The following LDAH variants were observed in gnomAD, a reference collection of about 807,000 sequenced individuals.
The protein encoded by LDAH is lipid droplet-associated hydrolase.
LDAH carries 26 observed loss-of-function variants against 29.6 expected under a neutral mutation model. The observed-to-expected ratio is 0.88, with a 90% CI of 0.64 to 1.22. The LOEUF (loss-of-function observed/expected upper bound fraction) is 1.22, where lower values mean the gene tolerates loss of function less well. Ranked by LOEUF, LDAH falls within the 50% of genes most tolerant of loss-of-function variation. LDAH has a pLI of 0.00. For missense variants in LDAH, 344 were observed against 387.3 expected, an observed-to-expected ratio of 0.89 and a Z score of 0.94; for synonymous variants, 117 against 133.0, an observed-to-expected ratio of 0.88 and a Z score of 0.83.
chr2:20,797,260 A>C (rs1671363081), intron 2 of LDAH, among the ~76,000 whole-genome samples: 1 of 152,216 alleles, frequency 6.6e-6, no homozygotes, highest in Non-Finnish European at 1.5e-5. Context: ...GAATGAAAGT[A>C]CCATACTGAG....
chr2:20,712,278 A>G (rs1196167656), intron 5 of LDAH, among the ~76,000 whole-genome samples: 1 of 152,178 alleles, frequency 6.6e-6, no homozygotes, highest in African/African-American at 2.4e-5. Context: ...ACTCCAACAG[A>G]CCTGCGGCTG....
chr2:20,706,863 C>A (rs896524052), intron 5 of LDAH, among the ~76,000 whole-genome samples: 1 of 152,172 alleles, frequency 6.6e-6, no homozygotes, highest in South Asian at 2.1e-4. Context: ...GGCTACAGTG[C>A]AAGAAGGAGA....
At chr2:20,746,962 T>C (rs1027609643) in intron 4 of LDAH, among the ~76,000 whole-genome samples, 1 of 152,182 alleles carries the variant, frequency 6.6e-6, no homozygotes, top group East Asian at 1.9e-4. Context: ...GGAATTTTTA[T>C]ACTGGATACA....
chr2:20,778,846 A>G (rs1049633085), intron 3 of LDAH, among the ~76,000 whole-genome samples: 2 of 152,136 alleles, frequency 1.3e-5, no homozygotes, highest in South Asian at 2.1e-4. Flanking sequence ...GTATATTACT[A>G]TAAATGTATA....
chr2:20,785,683 T>A (rs1326054003), intron 3 of LDAH, among the ~76,000 whole-genome samples: 1 of 152,230 alleles, frequency 6.6e-6, no homozygotes, highest in Non-Finnish European at 1.5e-5. Flanking sequence ...GTCCCACAAC[T>A]CTTGGATGTG....
chr2:20,778,298 C>T (rs114511388), intron 3 of LDAH, among the ~76,000 whole-genome samples: 2,491 of 152,278 alleles, frequency 0.016, 60 homozygotes, highest in African/African-American at 0.057. Context: ...CACAGCTCAC[C>T]TAACGGTTCT....
intron 5 of LDAH, among the ~76,000 whole-genome samples, chr2:20,703,571 T>C (rs1014265300): frequency 1.3e-5 from 2 of 152,242 alleles, no homozygotes; most frequent in Admixed American, 1.3e-4. Context: ...AAGTGGTATC[T>C]AGAACCACAC....
chr2:20,763,329 A>G (rs1668815190), intron 4 of LDAH, among the ~76,000 whole-genome samples: 1 of 152,268 alleles, frequency 6.6e-6, no homozygotes, highest in Non-Finnish European at 1.5e-5. Flanking sequence ...AACTGTCCAC[A>G]GCATTTCAAT....
intron 2 of LDAH, among the ~76,000 whole-genome samples, chr2:20,796,127 TCA>T (rs1339561844): frequency 6.6e-6 from 1 of 152,182 alleles, no homozygotes. Context: ...CCCTCCATTC[TCA>T]GTGTCTTCAC....
chr2:20,728,695 G>T (rs142064517), intron 5 of LDAH, among the ~76,000 whole-genome samples: 1 of 152,184 alleles, frequency 6.6e-6, no homozygotes, highest in African/African-American at 2.4e-5. Flanking sequence ...TGGCTACTAG[G>T]AAGTGAACTA....
At chr2:20,777,399 T>C (rs1669892298) in intron 3 of LDAH, among the ~76,000 whole-genome samples, 1 of 152,326 alleles carries the variant, frequency 6.6e-6, no homozygotes, top group South Asian at 2.1e-4. Flanking sequence ...ACTGAAAATT[T>C]AAATGTGCTA....
chr2:20,761,716 C>G (rs1668701714), intron 4 of LDAH, among the ~76,000 whole-genome samples: 1 of 152,058 alleles, frequency 6.6e-6, no homozygotes, highest in Non-Finnish European at 1.5e-5. Flanking sequence ...AACTGGTACA[C>G]TGGAAGCCCA....
At chr2:20,703,948 T>C (rs550985192) in intron 5 of LDAH, among the ~76,000 whole-genome samples, 1 of 152,286 alleles carries the variant, frequency 6.6e-6, no homozygotes, top group South Asian at 2.1e-4. Flanking sequence ...GTTGGGATGA[T>C]AGATGGTGAG....
At chr2:20,725,798 C>T (rs545917487) in intron 5 of LDAH, among the ~76,000 whole-genome samples, 39 of 152,330 alleles carry the variant, frequency 2.6e-4, no homozygotes, top group Admixed American at 9.8e-4. Flanking sequence ...TTGCCTTTCT[C>T]CCCTTTCCCT....
At chr2:20,817,017 T>C (rs577400300) in intron 1 of LDAH, among the ~76,000 whole-genome samples, 22 of 151,966 alleles carry the variant, frequency 1.4e-4, no homozygotes, top group African/African-American at 2.2e-4. Flanking sequence ...TAGAACTGGA[T>C]AGAAATGAAA....
At chr2:20,715,896 C>A (rs1435797580) in intron 5 of LDAH, among the ~76,000 whole-genome samples, 2 of 151,922 alleles carry the variant, frequency 1.3e-5, no homozygotes, top group Non-Finnish European at 2.9e-5. Context: ...AACAAACAAC[C>A]CCATCAACAA....
intron 1 of LDAH, among the ~76,000 whole-genome samples, chr2:20,821,317 G>C (rs1194016505): frequency 6.6e-6 from 1 of 152,192 alleles, no homozygotes; most frequent in Non-Finnish European, 1.5e-5. Flanking sequence ...ACATGCACAT[G>C]TATGTTTATT....
At chr2:20,727,327 A>G (rs556688787) in intron 5 of LDAH, among the ~76,000 whole-genome samples, 13 of 152,358 alleles carry the variant, frequency 8.5e-5, no homozygotes, top group African/African-American at 3.1e-4. Context: ...CGTCTTACTC[A>G]AAAATTATTC....
chr2:20,763,496 T>A (rs1296789549), intron 4 of LDAH, among the ~76,000 whole-genome samples: 1 of 152,220 alleles, frequency 6.6e-6, no homozygotes, highest in Non-Finnish European at 1.5e-5. Flanking sequence ...AGATCACAGG[T>A]GCTGTTGATA....
Sources: gnomAD v4.1 joint callset for allele counts (sites outside exome capture counted in the v4.1 genomes callset) on GRCh38, gnomAD v4.1.1 for gene constraint, MANE v1.5 for transcripts, NCBI Gene and HGNC (gene_info 2026-07-23, HGNC 2026-07-21) for gene names.